Variants in SLC71A2 observed in about 807,000 individuals in gnomAD.
The protein encoded by SLC71A2 is hippocampus abundant transcript-like 1.
At chr9:94,415,663 G>T in the SLC71A2 span, among the ~76,000 whole-genome samples, 10 of 152,012 alleles carry the variant, frequency 6.6e-5, no homozygotes, top group Non-Finnish European at 5.9e-5. Context: ...AGACCATCAG[G>T]CATTATTAGT....
the SLC71A2 span, among the ~76,000 whole-genome samples, chr9:94,377,678 G>C: frequency 6.6e-6 from 1 of 151,786 alleles, no homozygotes; most frequent in Non-Finnish European, 1.5e-5. Flanking sequence ...ATGATGCTTG[G>C]CCTGACAACT....
the SLC71A2 span, among the ~76,000 whole-genome samples, chr9:94,393,787 A>G: frequency 8.3e-5 from 11 of 132,554 alleles, no homozygotes; most frequent in African/African-American, 3.0e-4. Flanking sequence ...TAGGATAATT[A>G]TACTTTTTGC....
At chr9:94,400,403 G>A in the SLC71A2 span, among the ~76,000 whole-genome samples, 1 of 151,696 alleles carries the variant, frequency 6.6e-6, no homozygotes, top group Non-Finnish European at 1.5e-5. Context: ...TTTAAAACTG[G>A]AAGGGTCAGT....
chr9:94,417,942 C>T, the SLC71A2 span, among the ~76,000 whole-genome samples: 7 of 147,612 alleles, frequency 4.7e-5, no homozygotes, highest in African/African-American at 7.5e-5. Flanking sequence ...CTGCATCCTC[C>T]GCCTCCCGGG....
chr9:94,429,914 T>A, the SLC71A2 span, among the ~76,000 whole-genome samples: 4,905 of 150,842 alleles, frequency 0.033, 229 homozygotes, highest in African/African-American at 0.11. Flanking sequence ...ATTTTATTTT[T>A]TTTTTTTTTG....
the SLC71A2 span, chr9:94,456,396 G>A: frequency 7.3e-7 from 1 of 1,372,820 alleles, no homozygotes; most frequent in Middle Eastern, 1.9e-4. Flanking sequence ...CCTGCTAGAA[G>A]CAGGAGCAGC....
the SLC71A2 span, among the ~76,000 whole-genome samples, chr9:94,387,014 C>G: frequency 3.3e-5 from 5 of 152,008 alleles, no homozygotes; most frequent in Non-Finnish European, 7.4e-5. Context: ...CTTACAAAAT[C>G]AGTATTTCAA....
At chr9:94,459,561 ATCC>A in the SLC71A2 span, 22 of 632,098 alleles carry the variant, frequency 3.5e-5, no homozygotes, top group African/African-American at 6.6e-5. Flanking sequence ...CATTCTGCTC[ATCC>A]TCCTCCTGTT....
At chr9:94,383,997 T>A in the SLC71A2 span, among the ~76,000 whole-genome samples, 2 of 152,248 alleles carry the variant, frequency 1.3e-5, no homozygotes, top group Admixed American at 6.5e-5. Context: ...ATTGTTTAAT[T>A]GTGGTAAAAT....
the SLC71A2 span, among the ~76,000 whole-genome samples, chr9:94,424,420 A>G: frequency 1.3e-5 from 2 of 151,844 alleles, no homozygotes; most frequent in Non-Finnish European, 2.9e-5. Context: ...TTTTTAGTAG[A>G]TACTGGGTTT....
At chr9:94,439,977 G>A in the SLC71A2 span, among the ~76,000 whole-genome samples, 1 of 151,700 alleles carries the variant, frequency 6.6e-6, no homozygotes, top group Non-Finnish European at 1.5e-5. Flanking sequence ...GAAGATTTTG[G>A]GCTTATTTTC....
At chr9:94,461,020 A>G in the SLC71A2 span, 1 of 152,120 alleles carries the variant, frequency 6.6e-6, no homozygotes, top group Admixed American at 6.5e-5. Context: ...AGCTGATGCA[A>G]AAGGTATGTA....
At chr9:94,396,983 T>C in the SLC71A2 span, among the ~76,000 whole-genome samples, 1 of 152,156 alleles carries the variant, frequency 6.6e-6, no homozygotes, top group African/African-American at 2.4e-5. Context: ...TTGGTCAGGC[T>C]GGTTTTGAAC....
chr9:94,433,485 C>T, the SLC71A2 span, among the ~76,000 whole-genome samples: 1 of 150,850 alleles, frequency 6.6e-6, no homozygotes, highest in Non-Finnish European at 1.5e-5. Flanking sequence ...CCAGCCTGAC[C>T]AACATCGAGA....
the SLC71A2 span, among the ~76,000 whole-genome samples, chr9:94,396,764 C>G: frequency 2.0e-5 from 3 of 152,082 alleles, no homozygotes; most frequent in African/African-American, 4.8e-5. Context: ...AACCCCTGCT[C>G]TAATATATTT....
the SLC71A2 span, among the ~76,000 whole-genome samples, chr9:94,386,187 A>AT: frequency 6.6e-6 from 1 of 151,588 alleles, no homozygotes; most frequent in Non-Finnish European, 1.5e-5. Context: ...GGTTAAATTT[A>AT]TTTTTAGGTA....
chr9:94,446,133 T>C, the SLC71A2 span, among the ~76,000 whole-genome samples: 4 of 152,352 alleles, frequency 2.6e-5, no homozygotes, highest in Non-Finnish European at 5.9e-5. Flanking sequence ...TAGCCTAGTG[T>C]CTGTTGCCCA....
At chr9:94,429,429 G>A in the SLC71A2 span, among the ~76,000 whole-genome samples, 9 of 152,170 alleles carry the variant, frequency 5.9e-5, no homozygotes, top group African/African-American at 2.2e-4. Context: ...AATACATAAG[G>A]CATAGAATGG....
the SLC71A2 span, chr9:94,444,908 CT>C: frequency 1.4e-5 from 21 of 1,542,740 alleles, no homozygotes; most frequent in Non-Finnish European, 1.9e-5. Context: ...TAAGGATATG[CT>C]TTCCCCAGAG....
Sources: allele counts gnomAD v4.1 joint callset (sites outside exome capture counted in the v4.1 genomes callset), GRCh38; gene constraint gnomAD v4.1.1; transcripts MANE v1.5; gene names NCBI Gene and HGNC (gene_info 2026-07-23, HGNC 2026-07-21).